RFX4: variants seen among roughly 807,000 people sequenced by gnomAD.
The protein encoded by RFX4 is transcription factor RFX4.
RFX4 carries 10 observed loss-of-function variants against 95.0 expected under a neutral mutation model. The observed-to-expected ratio is 0.11, with a 90% CI of 0.06 to 0.18. The LOEUF (loss-of-function observed/expected upper bound fraction) is 0.18, where lower values mean the gene tolerates loss of function less well. Ranked by LOEUF, RFX4 falls within the 10% of genes least tolerant of loss-of-function variation. The pLI, the probability that RFX4 is intolerant of heterozygous loss-of-function variation, is 1.00. For synonymous variants in RFX4, 321 were observed against 340.7 expected, an observed-to-expected ratio of 0.94 and a Z score of 0.64; for missense variants, 640 against 922.0, an observed-to-expected ratio of 0.69 and a Z score of 3.96.
chr12:106,622,622 A>ACTT (rs2040207590), intron 2 of RFX4, among the ~76,000 whole-genome samples: 1 of 132,264 alleles, frequency 7.6e-6, no homozygotes, highest in African/African-American at 2.8e-5. Flanking sequence ...TCCAAGCTGC[A>ACTT]TTTTTTTTTT....
At chr12:106,685,261 A>C (rs571914231) in intron 5 of RFX4, among the ~76,000 whole-genome samples, 10 of 151,374 alleles carry the variant, frequency 6.6e-5, no homozygotes, top group Non-Finnish European at 1.0e-4. Context: ...GGATATTTTA[A>C]TATGTTTTGT....
At chr12:106,595,421 G>A (rs998709139) in intron 1 of RFX4, among the ~76,000 whole-genome samples, 10 of 152,198 alleles carry the variant, frequency 6.6e-5, no homozygotes, top group Non-Finnish European at 1.3e-4. Flanking sequence ...GTGTACTGTC[G>A]TGGGTGTCAG....
intron 1 of RFX4, among the ~76,000 whole-genome samples, chr12:106,594,686 T>A (rs187580367): frequency 6.6e-6 from 1 of 151,630 alleles, no homozygotes; most frequent in Non-Finnish European, 1.5e-5. Context: ...TGAGCGCCGC[T>A]GGGAAAGGCT....
At chr12:106,717,361 C>G (rs932476111) in intron 11 of RFX4, among the ~76,000 whole-genome samples, 5 of 152,246 alleles carry the variant, frequency 3.3e-5, no homozygotes, top group Non-Finnish European at 7.3e-5. Context: ...GTGAACCAGA[C>G]TCATAAGGAA....
At chr12:106,739,144 A>G (rs868305898) in intron 15 of RFX4, among the ~76,000 whole-genome samples, 64 of 152,094 alleles carry the variant, frequency 4.2e-4, no homozygotes, top group Non-Finnish European at 6.6e-4. Flanking sequence ...AGAAAGAAAG[A>G]AAGAAAGAAA....
At chr12:106,743,567 C>G (rs2042842645) in intron 15 of RFX4, among the ~76,000 whole-genome samples, 2 of 152,194 alleles carry the variant, frequency 1.3e-5, no homozygotes, top group African/African-American at 4.8e-5. Flanking sequence ...TTGATAACGT[C>G]TATTTCTAGC....
At chr12:106,655,863 G>A (rs1041985591) in intron 4 of RFX4, among the ~76,000 whole-genome samples, 2 of 152,156 alleles carry the variant, frequency 1.3e-5, no homozygotes, top group Non-Finnish European at 1.5e-5. Flanking sequence ...CACCTACCAT[G>A]TGCGATTACA....
intron 2 of RFX4, among the ~76,000 whole-genome samples, chr12:106,638,035 T>A (rs977515043): frequency 2.0e-5 from 3 of 151,628 alleles, no homozygotes; most frequent in Non-Finnish European, 4.4e-5. Flanking sequence ...TTTTTTTGAA[T>A]CTTGCTCTGT....
chr12:106,660,383 C>G (rs1242923725), intron 4 of RFX4, among the ~76,000 whole-genome samples: 3 of 151,870 alleles, frequency 2.0e-5, no homozygotes, highest in Non-Finnish European at 2.9e-5. Flanking sequence ...ATCCCCCTCT[C>G]TCAGCCCACA....
intron 17 of RFX4, among the ~76,000 whole-genome samples, chr12:106,759,776 CCTAA>C (rs1384483508): frequency 2.0e-5 from 3 of 152,150 alleles, no homozygotes; most frequent in African/African-American, 7.2e-5. Context: ...CTCCCTCTTT[CCTAA>C]CTGTTCTTTT....
At chr12:106,749,209 T>TC (rs923933983) in intron 16 of RFX4, among the ~76,000 whole-genome samples, 3 of 145,650 alleles carry the variant, frequency 2.1e-5, no homozygotes, top group African/African-American at 7.8e-5. Context: ...TAAGCTGAGA[T>TC]CGCGCCACTG....
At chr12:106,725,529 A>G (rs1323190214) in intron 13 of RFX4, among the ~76,000 whole-genome samples, 2 of 151,454 alleles carry the variant, frequency 1.3e-5, no homozygotes, top group Non-Finnish European at 2.9e-5. Context: ...CAGTTAAAGC[A>G]TGCTAATGTC....
intron 15 of RFX4, among the ~76,000 whole-genome samples, chr12:106,739,616 T>C (rs1189238828): frequency 6.6e-6 from 1 of 152,230 alleles, no homozygotes; most frequent in Non-Finnish European, 1.5e-5. Context: ...AATTGTTTTT[T>C]TAAATGGGGA....
At position 106,658,368 on chromosome 12, in the gene RFX4, A is replaced by T. The variant is rs575416100; in HGVS notation, c.315+4017A>T. ...TCTCCACCCAACTCTTCCTGCTCTG[A>T]TGATGATGTCTTCAGAGGAAATCCC... is the stretch of plus-strand genomic sequence containing the variant. On this transcript the variant is annotated intron_variant, in intron 4 of 17. Transcript: ENST00000392842. Among the ~76,000 whole-genome samples, 3 of 152,294 alleles carry T rather than the reference A, an allele frequency of 2.0e-5. No individual in the cohort carries two copies. The South Asian group carries it at 6.2e-4, about 32-fold the overall frequency.
chr12:106,715,589 A>G (rs746064458), intron 11 of RFX4, 45 bp downstream of exon 11: 1 of 1,600,834 alleles, frequency 6.2e-7, no homozygotes, highest in South Asian at 1.1e-5. Context: ...TTATTTTTAA[A>G]AGAAAGAAAA....
In RFX4 at chr12:106,682,028, A is replaced by G. The variant is rs767944893; in HGVS notation, c.351A>G (p.Arg117=). The G allele has an allele frequency of 1.2e-5, 19 of 1,614,052 alleles. No individual in the cohort carries two copies. Among genetic ancestry groups the G allele is most frequent in the Non-Finnish European group, 1.5e-5 (18 of 1,180,032 alleles). The change falls in exon 5 of 18, where the codon AGA becomes AGG. Residue 117 remains arginine (R), a synonymous_variant. Coordinates refer to ENST00000392842, the MANE Select transcript of RFX4 (RefSeq NM_213594.3). The stretch of plus-strand genomic sequence containing the variant: ...AGCAGTTTCCTCAGTTAACCACCAG[A>G]AGACTCGGGACCCGAGGACAGTCAA... ...IRQQFPQLTT[R]RLGTRGQSKY...
chr12:106,583,691 C>T (rs985768151), intron 1 of RFX4: 6 of 230,824 alleles, frequency 2.6e-5, no homozygotes, highest in African/African-American at 1.4e-4. Flanking sequence ...CTTGCAGAAA[C>T]TTTGCCAGCC....
intron 1 of RFX4, among the ~76,000 whole-genome samples, chr12:106,601,535 A>G (rs1015004457): frequency 3.3e-5 from 5 of 152,226 alleles, no homozygotes; most frequent in African/African-American, 1.2e-4. Flanking sequence ...TAGTGTGAAT[A>G]ATGGCCTCTA....
intron 1 of RFX4, among the ~76,000 whole-genome samples, chr12:106,607,738 T>C (rs2039867710): frequency 1.3e-5 from 2 of 151,958 alleles, no homozygotes; most frequent in African/African-American, 2.4e-5. Flanking sequence ...CAGAGCTGAC[T>C]GTACTTAGCT....
Sources: allele counts gnomAD v4.1 joint callset (sites outside exome capture counted in the v4.1 genomes callset), GRCh38; gene constraint gnomAD v4.1.1; transcripts MANE v1.5; gene names NCBI Gene and HGNC (gene_info 2026-07-23, HGNC 2026-07-21).